ISY1: variants seen among roughly 807,000 people sequenced by gnomAD.
The protein encoded by ISY1 is ISY1 spliceosome associated protein.
Under a neutral mutation model 54.4 loss-of-function variants are expected in ISY1, and 12 were observed. That is an observed-to-expected ratio of 0.22 (90% confidence interval 0.14 to 0.36). The LOEUF (loss-of-function observed/expected upper bound fraction) is 0.36. Ranked by LOEUF, ISY1 falls within the 10% of genes least tolerant of loss-of-function variation. ISY1 has a pLI of 1.00. For synonymous variants in ISY1, 96 were observed against 117.9 expected (o/e 0.81, Z 1.20); for missense variants, 282 against 342.2 (o/e 0.82, Z 1.39).
chr3:129,145,796 C>T lies in ISY1; in HGVS notation c.265G>A (p.Val89Ile). The T allele has an allele frequency of 6.2e-7, 1 of 1,614,180 alleles. No homozygotes were observed. Among genetic ancestry groups the T allele is most frequent in the East Asian group, 2.2e-5 (1 of 44,882 alleles). The change falls in exon 6 of 11, where the codon GTC (valine) becomes ATC (isoleucine). Residue 89 changes from valine to isoleucine, a missense_variant. Transcript: ENST00000393295. ...GGACCTCCCAGCTCCTTTATCCGGA[C>T]CTCCCAGTGTCCTTTCTCCCTTAGC... ...KLLREKGHWE[V>I]RIKELGGPDY...
chr3:129,146,497 T>A lies in ISY1; in HGVS notation c.188-624A>T, dbSNP rs183867085. ...ATCATATAACTTTTGAAAGGGACAA[T>A]TTGCACACAGTGGAGACACAGCAAG... On this transcript the variant is annotated intron_variant, in intron 5 of 10. Coordinates refer to ENST00000393295, the MANE Select transcript of ISY1 (RefSeq NM_020701.4). Among the ~76,000 whole-genome samples, 622 of 152,000 alleles carry A rather than the reference T, an allele frequency of 4.1e-3. 1 individual carries two copies. The highest frequency in any genetic ancestry group is 7.3e-3 in the Non-Finnish European group (494 of 67,980).
At chr3:129,155,289 G>A (rs1316137343) in intron 5 of ISY1, among the ~76,000 whole-genome samples, 1 of 151,618 alleles carries the variant, frequency 6.6e-6, no homozygotes, top group African/African-American at 2.4e-5. Flanking sequence ...CCGCCTCCCG[G>A]GTTCAAGCGA....
intron 3 of ISY1, among the ~76,000 whole-genome samples, chr3:129,157,547 C>T (rs993038961): frequency 1.3e-5 from 2 of 151,832 alleles, no homozygotes; most frequent in Admixed American, 1.3e-4. Flanking sequence ...GGTGAAACCC[C>T]ATCTCTACTA....
intron 5 of ISY1, among the ~76,000 whole-genome samples, chr3:129,155,123 A>C (rs1937098495): frequency 6.6e-6 from 1 of 151,482 alleles, no homozygotes; most frequent in Non-Finnish European, 1.5e-5. Context: ...TTCTTTTCTA[A>C]TTTCACAGGG....
rs576379199 is a variant in ISY1, at chr3:129,130,655, A to G, written c.664-19T>C. Reference sequence around the variant, plus strand: ...CGTCCGACTACAAACAGAACAAACGAAAGTCCATCAGTAGGCGCCCAGCTA... The same window carrying G: ...CGTCCGACTACAAACAGAACAAACGGAAGTCCATCAGTAGGCGCCCAGCTA... On this transcript the variant is annotated intron_variant, in intron 9 of 10. Transcript: ENST00000393295. The G allele has an allele frequency of 1.2e-4, 201 of 1,613,756 alleles. No homozygotes were observed. The highest frequency in any genetic ancestry group is 5.0e-4 in the Middle Eastern group (3 of 6,058).
intron 2 of ISY1, 132 bp downstream of exon 2, chr3:129,159,022 G>T: frequency 1.7e-6 from 2 of 1,194,154 alleles, no homozygotes; most frequent in South Asian, 1.4e-5. Context: ...GCATATGTAA[G>T]AACATAACAT....
intron 5 of ISY1, among the ~76,000 whole-genome samples, chr3:129,151,544 G>A (rs568241834): frequency 1.1e-3 from 162 of 151,414 alleles, no homozygotes; most frequent in African/African-American, 3.7e-3. Context: ...CAGGAGAATC[G>A]CTTGAACCCA....
chr3:129,155,409 A>G (rs1217740906), intron 5 of ISY1, among the ~76,000 whole-genome samples: 1 of 150,982 alleles, frequency 6.6e-6, no homozygotes, highest in East Asian at 2.0e-4. Flanking sequence ...TGGCCAGGAT[A>G]GTCTCTTATC....
chr3:129,148,070 C>T (rs1227357521), intron 5 of ISY1, among the ~76,000 whole-genome samples: 1 of 152,024 alleles, frequency 6.6e-6, no homozygotes, highest in Non-Finnish European at 1.5e-5. Flanking sequence ...CAAAGCGATC[C>T]TCCCACCTTG....
intron 5 of ISY1, among the ~76,000 whole-genome samples, chr3:129,149,606 AAAAAATATATATAT>A (rs1427093991): frequency 2.3e-5 from 2 of 85,116 alleles, no homozygotes; most frequent in African/African-American, 1.2e-4. Flanking sequence ...AAAAAAAAAA[AAAAAATATATATAT>A]ATATATATAT....
At chr3:129,145,935 G>T in intron 5 of ISY1, 62 bp from the exon 6 acceptor site, 1 of 1,478,850 alleles carries the variant, frequency 6.8e-7, no homozygotes, top group Non-Finnish European at 9.4e-7. Context: ...CCTCTAACAC[G>T]TACACTTAGT....
At chr3:129,140,532 T>C in intron 6 of ISY1, 47 bp from the exon 7 acceptor site, 2 of 1,529,144 alleles carry the variant, frequency 1.3e-6, no homozygotes, top group Non-Finnish European at 1.8e-6. Flanking sequence ...AGTTAGTTAG[T>C]TAGTTATTAT....
chr3:129,145,714 G>A (rs772094896), intron 6 of ISY1, 47 bp downstream of exon 6: 1 of 1,579,870 alleles, frequency 6.3e-7, no homozygotes, highest in African/African-American at 1.4e-5. Context: ...AACTGCTGTG[G>A]GTGGAAAACT....
chr3:129,156,664 C>A lies in ISY1; in HGVS notation c.156G>T (p.Glu52Asp). The change falls in exon 5 of 11, where the codon GAG becomes GAT. Residue 52 changes from glutamate (E) to aspartate (D), a missense_variant. Glu to Asp is a conservative substitution (Grantham distance 45). Around this residue, in one of 2 missense-constraint regions of ISY1, gnomAD observed 279 missense variants for 323.6 expected, o/e 0.86. Coordinates refer to ENST00000393295, the MANE Select transcript of ISY1 (RefSeq NM_020701.4). ...AEKWRRQIIG[E>D]ISKKVAQIQN... Reference sequence around the variant, plus strand: ...GAATCTGAGCCACTTTTTTAGAGATCTCTCCAATGATCTATTAAAAAAAAG... The same window carrying A: ...GAATCTGAGCCACTTTTTTAGAGATATCTCCAATGATCTATTAAAAAAAAG... The A allele has an allele frequency of 9.3e-6, 15 of 1,611,040 alleles. No homozygotes were observed. Among genetic ancestry groups the A allele is most frequent in the Non-Finnish European group, 1.2e-5 (14 of 1,178,808 alleles).
chr3:129,142,321 T>C (rs1041577374), intron 6 of ISY1, among the ~76,000 whole-genome samples: 2 of 152,002 alleles, frequency 1.3e-5, no homozygotes, highest in Non-Finnish European at 2.9e-5. Context: ...ACTGATGAAA[T>C]GCCACATGGA....
At position 129,130,639 on chromosome 3, in the gene ISY1, AC is replaced by A. The variant is rs752635385; in HGVS notation, c.664-4del. 1 of 1,613,994 alleles carries A rather than the reference AC, an allele frequency of 6.2e-7. No homozygotes were observed. The highest frequency in any genetic ancestry group is 8.5e-7 in the Non-Finnish European group (1 of 1,179,920). ...TCCTGGCTGCCTTCCTCGTCCGACT[AC>A]AAACAGAACAAACGAAAGTCCATCA... On this transcript the variant is annotated splice_polypyrimidine_tract_variant and splice_region_variant and intron_variant, in intron 9 of 10. Transcript: ENST00000393295.
chr3:129,151,539 G>A (rs1452638447), intron 5 of ISY1, among the ~76,000 whole-genome samples: 1 of 152,016 alleles, frequency 6.6e-6, no homozygotes, highest in Admixed American at 6.6e-5. Flanking sequence ...TGAGGCAGGA[G>A]AATCGCTTGA....
intron 9 of ISY1, among the ~76,000 whole-genome samples, chr3:129,132,284 G>A (rs908156288): frequency 1.3e-5 from 2 of 152,162 alleles, no homozygotes; most frequent in East Asian, 1.9e-4. Context: ...GGAACTGGGT[G>A]AAGCATACAC....
At chr3:129,157,533 A>G (rs1322263043) in intron 3 of ISY1, among the ~76,000 whole-genome samples, 1 of 152,064 alleles carries the variant, frequency 6.6e-6, no homozygotes, top group Admixed American at 6.6e-5. Flanking sequence ...AGTCTGGCCA[A>G]CATGGTGAAA....
Sources: gnomAD v4.1 joint callset for allele counts (sites outside exome capture counted in the v4.1 genomes callset) on GRCh38, gnomAD v4.1.1 for gene constraint, gnomAD v4.1.1 regional missense constraint, MANE v1.5 for transcripts, NCBI Gene and HGNC (gene_info 2026-07-23, HGNC 2026-07-21) for gene names.